The following GALNT12 variants were observed in gnomAD, a reference collection of about 807,000 sequenced individuals.
The protein encoded by GALNT12 is UDP-GalNAc:polypeptide N-acetylgalactosaminyltransferase 12.
A neutral mutation model predicts 55.5 loss-of-function variants in GALNT12; 45 were observed. That is an observed-to-expected ratio of 0.81 (90% CI 0.64 to 1.04). The LOEUF is 1.04. GALNT12 is among the 50% of genes least tolerant of loss of function. The pLI is 0.00. For missense variants in GALNT12, 709 were observed against 754.8 expected (o/e 0.94, Z 0.71); for synonymous variants, 304 against 312.2 (o/e 0.97, Z 0.28).
intron 6 of GALNT12, 70 bp downstream of exon 6, chr9:98,837,218 C>T (rs1473843664): frequency 7.0e-7 from 1 of 1,438,464 alleles, no homozygotes; most frequent in African/African-American, 1.4e-5. Flanking sequence ...GTGGCTTCCC[C>T]AACATAGTCG....
chr9:98,820,779 A>G (rs1159139140), intron 1 of GALNT12, among the ~76,000 whole-genome samples: 1 of 152,170 alleles, frequency 6.6e-6, no homozygotes, highest in African/African-American at 2.4e-5. Flanking sequence ...TGACTTTTTA[A>G]TAATAGCCAT....
intron 1 of GALNT12, among the ~76,000 whole-genome samples, chr9:98,820,053 A>G (rs1446652074): frequency 1.3e-5 from 2 of 152,216 alleles, no homozygotes; most frequent in African/African-American, 2.4e-5. Context: ...TTAAAAATCA[A>G]TGCATCTTAC....
At chr9:98,843,872 T>C (rs1404006677) in intron 7 of GALNT12, among the ~76,000 whole-genome samples, 1 of 152,224 alleles carries the variant, frequency 6.6e-6, no homozygotes, top group Non-Finnish European at 1.5e-5. Flanking sequence ...TTTATCTCTC[T>C]GGTCCTCAGG....
At chr9:98,845,343 A>C (rs528841373) in intron 8 of GALNT12, among the ~76,000 whole-genome samples, 10 of 152,258 alleles carry the variant, frequency 6.6e-5, no homozygotes, top group African/African-American at 2.2e-4. Context: ...GTCTTGTCAA[A>C]GATGCAGAAA....
At chr9:98,823,513 G>A in intron 2 of GALNT12, 88 bp downstream of exon 2, 1 of 1,170,826 alleles carries the variant, frequency 8.5e-7, no homozygotes, top group Non-Finnish European at 1.3e-6. Flanking sequence ...GGCTAAAGTA[G>A]GCCCAGTAAG....
chr9:98,815,010 T>G (rs148431376), intron 1 of GALNT12, among the ~76,000 whole-genome samples: 5 of 152,366 alleles, frequency 3.3e-5, no homozygotes, highest in African/African-American at 7.2e-5. Context: ...TGCTGTGATG[T>G]AGCATTAAAT....
intron 6 of GALNT12, among the ~76,000 whole-genome samples, chr9:98,838,538 G>A (rs1799851541): frequency 6.6e-6 from 1 of 152,198 alleles, no homozygotes; most frequent in Non-Finnish European, 1.5e-5. Flanking sequence ...TTATCTCAGG[G>A]ACTTGTTTTC....
At chr9:98,808,191 C>A in intron 1 of GALNT12, 122 bp downstream of exon 1, 1 of 723,182 alleles carries the variant, frequency 1.4e-6, no homozygotes, top group South Asian at 1.8e-5. Context: ...TTGAGTCTTT[C>A]TCCGAAGACG....
chr9:98,843,980 C>T lies in GALNT12; in HGVS notation c.1345-116C>T, dbSNP rs375022157. 92 of 734,028 alleles carry T rather than the reference C, an allele frequency of 1.3e-4. 2 individuals carry two copies. The highest frequency in any genetic ancestry group is 8.8e-4 in the East Asian group (34 of 38,618). 45.5% of individuals were successfully genotyped at this position (734,028 alleles called of 1,614,324 possible). On this transcript the variant is annotated intron_variant, in intron 7 of 9. Transcript: ENST00000375011. ...TGTACAGAAAAGACTCTTACCTTTG[C>T]GTCTAGCTCTTGAAGCAGGCTCTCC...
chr9:98,830,617 A>G (rs987350332), intron 3 of GALNT12, among the ~76,000 whole-genome samples: 1 of 152,270 alleles, frequency 6.6e-6, no homozygotes, highest in African/African-American at 2.4e-5. Context: ...GGGGCCAGCT[A>G]GAACTTGCCC....
intron 1 of GALNT12, among the ~76,000 whole-genome samples, chr9:98,819,085 T>C (rs866037526): frequency 6.6e-6 from 1 of 152,238 alleles, no homozygotes; most frequent in Admixed American, 6.5e-5. Flanking sequence ...GGCAGCCGGC[T>C]TTCTCCAGAA....
At chr9:98,832,497 G>A (rs1043419989) in intron 4 of GALNT12, among the ~76,000 whole-genome samples, 7 of 152,162 alleles carry the variant, frequency 4.6e-5, no homozygotes, top group South Asian at 2.1e-4. Context: ...GCAGCCGGGC[G>A]ATAGAGTGAC....
At chr9:98,834,023 G>C (rs908899085) in intron 4 of GALNT12, among the ~76,000 whole-genome samples, 2 of 152,152 alleles carry the variant, frequency 1.3e-5, no homozygotes, top group Non-Finnish European at 2.9e-5. Context: ...GGATGTTGCT[G>C]TTGTCTTCTC....
chr9:98,815,405 T>G (rs569274433), intron 1 of GALNT12, among the ~76,000 whole-genome samples: 18 of 152,346 alleles, frequency 1.2e-4, no homozygotes, highest in African/African-American at 4.1e-4. Flanking sequence ...GGCTGTGGTG[T>G]TCAGTAGGTT....
intron 1 of GALNT12, among the ~76,000 whole-genome samples, chr9:98,818,309 G>C (rs1025414088): frequency 6.6e-6 from 1 of 151,446 alleles, no homozygotes; most frequent in African/African-American, 2.4e-5. Context: ...TGCAACCTCC[G>C]CCCCCCGGGT....
intron 3 of GALNT12, among the ~76,000 whole-genome samples, chr9:98,828,331 T>C (rs1175904809): frequency 2.0e-5 from 3 of 152,192 alleles, no homozygotes; most frequent in African/African-American, 7.2e-5. Flanking sequence ...TCTGATGAGC[T>C]TTCCTAGCAG....
intron 1 of GALNT12, among the ~76,000 whole-genome samples, chr9:98,814,755 T>A (rs1485443663): frequency 2.0e-5 from 3 of 151,950 alleles, no homozygotes; most frequent in African/African-American, 7.3e-5. Flanking sequence ...ATCCATATAA[T>A]AAGTAAATAT....
At chr9:98,842,960 T>C (rs767439205) in intron 7 of GALNT12, among the ~76,000 whole-genome samples, 18 of 152,260 alleles carry the variant, frequency 1.2e-4, no homozygotes, top group African/African-American at 3.6e-4. Flanking sequence ...TTTATACTTA[T>C]AGCATATCTC....
chr9:98,827,924 A>T (rs1368058691), intron 3 of GALNT12, among the ~76,000 whole-genome samples: 1 of 152,044 alleles, frequency 6.6e-6, no homozygotes, highest in Non-Finnish European at 1.5e-5. Context: ...CCCCCTCAAG[A>T]AGCCACCATC....
Sources: allele counts gnomAD v4.1 joint callset (sites outside exome capture counted in the v4.1 genomes callset), GRCh38; gene constraint gnomAD v4.1.1; transcripts MANE v1.5; gene names NCBI Gene and HGNC (gene_info 2026-07-23, HGNC 2026-07-21).